GUCY2C: variants seen among roughly 807,000 people sequenced by gnomAD.
GUCY2C encodes guanylate cyclase 2C, also known as guanylyl cyclase C.
In GUCY2C, 118 loss-of-function variants were observed where a neutral mutation model predicts 131.1. The observed-to-expected ratio is 0.90, with a 90% CI of 0.78 to 1.05. GUCY2C has a LOEUF of 1.05. GUCY2C is among the 50% of genes least tolerant of loss of function. GUCY2C has a pLI of 0.00. For synonymous variants in GUCY2C, 452 were observed against 457.8 expected (o/e 0.99, Z 0.16); for missense variants, 1,161 against 1,304.4 (o/e 0.89, Z 1.69).
chr12:14,679,805 A>G, intron 5 of GUCY2C, 52 bp from the exon 6 acceptor site: 1 of 908,722 alleles, frequency 1.1e-6, no homozygotes, highest in Non-Finnish European at 1.8e-6. Flanking sequence ...CTACAGACAA[A>G]CAGGCAGGGA....
intron 11 of GUCY2C, among the ~76,000 whole-genome samples, chr12:14,656,819 A>T (rs564773238): frequency 1.3e-5 from 2 of 152,308 alleles, no homozygotes; most frequent in African/African-American, 4.8e-5. Context: ...ATGGGCTTTT[A>T]TAGCGGTGGC....
At chr12:14,690,065 C>T (rs1296885000) in intron 1 of GUCY2C, among the ~76,000 whole-genome samples, 1 of 152,162 alleles carries the variant, frequency 6.6e-6, no homozygotes, top group Non-Finnish European at 1.5e-5. Flanking sequence ...AAAATACATC[C>T]TCTTACTTTA....
At chr12:14,660,894 A>G (rs1343319529) in intron 11 of GUCY2C, 87 bp downstream of exon 11, 14 of 829,090 alleles carry the variant, frequency 1.7e-5, no homozygotes, top group Non-Finnish European at 2.9e-5. Flanking sequence ...GTGAATATTC[A>G]TCATCATCAA....
At chr12:14,676,752 C>A in intron 7 of GUCY2C, 102 bp downstream of exon 7, 1 of 315,970 alleles carries the variant, frequency 3.2e-6, no homozygotes. Flanking sequence ...AAAATAATTG[C>A]TCATTTTAGA....
chr12:14,649,380 CA>C (rs1160442158), intron 15 of GUCY2C, among the ~76,000 whole-genome samples: 1 of 152,114 alleles, frequency 6.6e-6, no homozygotes, highest in African/African-American at 2.4e-5. Flanking sequence ...AGTTTAGTAA[CA>C]GTAGTTCTCA....
intron 7 of GUCY2C, 100 bp from the exon 8 acceptor site, chr12:14,674,860 G>T: frequency 3.4e-6 from 3 of 873,362 alleles, no homozygotes; most frequent in Non-Finnish European, 5.3e-6. Flanking sequence ...TTACTGGAAA[G>T]TTAAAGGGAT....
intron 15 of GUCY2C, among the ~76,000 whole-genome samples, chr12:14,648,764 T>G (rs969134491): frequency 6.6e-6 from 1 of 152,248 alleles, no homozygotes; most frequent in Non-Finnish European, 1.5e-5. Flanking sequence ...GTATATCTTA[T>G]TTCTGTTTCA....
At chr12:14,669,537 A>G (rs1948057950) in intron 10 of GUCY2C, among the ~76,000 whole-genome samples, 185 bp downstream of exon 10, 1 of 152,120 alleles carries the variant, frequency 6.6e-6, no homozygotes, top group Admixed American at 6.6e-5. Context: ...TTGAATCAGA[A>G]CTATAATATC....
chr12:14,650,176 GTTTCC>G (rs907787164), intron 15 of GUCY2C, among the ~76,000 whole-genome samples: 3 of 152,040 alleles, frequency 2.0e-5, no homozygotes, highest in East Asian at 1.9e-4. Flanking sequence ...ATATTTAATA[GTTTCC>G]TTTCCTTATG....
At chr12:14,685,853 A>G (rs1948458037) in intron 3 of GUCY2C, among the ~76,000 whole-genome samples, 1 of 152,072 alleles carries the variant, frequency 6.6e-6, no homozygotes, top group Non-Finnish European at 1.5e-5. Flanking sequence ...TGAATATTTT[A>G]TTTATTAAAC....
intron 19 of GUCY2C, among the ~76,000 whole-genome samples, chr12:14,631,828 C>T (rs1020181845): frequency 4.0e-5 from 6 of 150,684 alleles, no homozygotes; most frequent in African/African-American, 7.4e-5. Flanking sequence ...AATGGTTGAA[C>T]TAGTTTACAG....
At chr12:14,689,228 A>G (rs1565637770) in intron 1 of GUCY2C, among the ~76,000 whole-genome samples, 1 of 152,196 alleles carries the variant, frequency 6.6e-6, no homozygotes, top group Non-Finnish European at 1.5e-5. Flanking sequence ...AAATTGATAA[A>G]TGCAATATGA....
At chr12:14,656,699 A>T in intron 11 of GUCY2C, 82 bp from the exon 12 acceptor site, 1 of 706,102 alleles carries the variant, frequency 1.4e-6, no homozygotes, top group East Asian at 2.5e-5. Flanking sequence ...GAAGTTTAGA[A>T]CCCTGGTATG....
In GUCY2C at chr12:14,639,909, AG is replaced by A; in HGVS notation, c.2109del (p.Phe704SerfsTer15). The A allele has an allele frequency of 6.2e-7, 1 of 1,611,912 alleles. No homozygotes were observed. Among genetic ancestry groups the A allele is most frequent in the Non-Finnish European group, 8.5e-7 (1 of 1,177,946 alleles). On this transcript the variant is annotated frameshift_variant, in exon 19 of 27. Transcript: ENST00000261170. LOFTEE classifies it high-confidence loss of function. ...GTTTCCAAGAATAAATCTGGGCGGA[AG>A]GGTTTCATTCCATTGGAATTTTCCA... ...FRVENSNGMK[P>X]FRPDLFLETA...
intron 2 of GUCY2C, 77 bp from the exon 3 acceptor site, chr12:14,686,302 A>G: frequency 9.5e-7 from 1 of 1,055,668 alleles, no homozygotes; most frequent in Non-Finnish European, 1.5e-6. Context: ...TAGCAAGGGG[A>G]AGGCTCCCAG....
intron 3 of GUCY2C, among the ~76,000 whole-genome samples, chr12:14,685,254 T>C (rs1398568255): frequency 6.6e-6 from 1 of 152,024 alleles, no homozygotes; most frequent in African/African-American, 2.4e-5. Context: ...CAAGGAAGAG[T>C]AAGATTCTGG....
chr12:14,694,516 CAG>C (rs1948624227), intron 1 of GUCY2C, among the ~76,000 whole-genome samples: 1 of 152,166 alleles, frequency 6.6e-6, no homozygotes. Context: ...CCCAGGATCA[CAG>C]AGAGAGAAAA....
rs539617911 is a variant in GUCY2C at position 14,613,631 on chromosome 12, T to C, written c.3048-340A>G. Among the ~76,000 whole-genome samples the C allele has an allele frequency of 1.8e-4, 27 of 152,188 alleles. No homozygotes were observed. Among genetic ancestry groups the C allele is most frequent in the Non-Finnish European group, 1.3e-4 (9 of 67,974 alleles). ...CCTGCCACACAACCCTGAAAACTCA[T>C]TGGTCCCACACATACTTAACAGTGT... On this transcript the variant is annotated intron_variant, in intron 26 of 26. Transcript: ENST00000261170. The surrounding 1 kb of genome is among the most constrained non-coding windows in gnomAD (Gnocchi z 4.9).
At position 14,657,124 on chromosome 12, in the gene GUCY2C, TG is replaced by T. The variant is rs546038406; in HGVS notation, c.1365-508del. On this transcript the variant is annotated intron_variant, in intron 11 of 26. Coordinates refer to ENST00000261170, the MANE Select transcript of GUCY2C (RefSeq NM_004963.4). ...TCCTAACAGGCCATGGACTGGGGTT[TG>T]GGGACCCCTGTTTCCTAGTCTTTCT... Among the ~76,000 whole-genome samples, 64 of 152,214 alleles carry T rather than the reference TG, an allele frequency of 4.2e-4. 1 individual carries two copies. Among genetic ancestry groups the T allele is most frequent in the Admixed American group, 4.1e-3 (63 of 15,292 alleles).
Sources: allele counts gnomAD v4.1 joint callset (sites outside exome capture counted in the v4.1 genomes callset), GRCh38; gene constraint gnomAD v4.1.1; non-coding constraint Gnocchi (gnomAD v3.1); transcripts MANE v1.5; gene names NCBI Gene and HGNC (gene_info 2026-07-23, HGNC 2026-07-21).